SBF2: variants seen among roughly 807,000 people sequenced by gnomAD.
SBF2 encodes myotubularin-related protein 13.
A neutral mutation model predicts 225.2 loss-of-function variants in SBF2; 112 were observed. The observed-to-expected ratio is 0.50, with a 90% CI of 0.43 to 0.58. The LOEUF (loss-of-function observed/expected upper bound fraction) is 0.58. SBF2 is among the 20% of genes least tolerant of loss of function. The probability of loss-of-function intolerance (pLI) is 0.00; values close to 1 mark genes in which losing one functional copy is unlikely to be tolerated. For missense variants in SBF2, 1,996 were observed against 2,206.2 expected, an observed-to-expected ratio of 0.90 and a Z score of 1.91; for synonymous variants, 763 against 773.3, an observed-to-expected ratio of 0.99 and a Z score of 0.22.
intron 1 of SBF2, among the ~76,000 whole-genome samples, chr11:10,204,188 T>A (rs1957665648): frequency 7.1e-6 from 1 of 141,086 alleles, no homozygotes. Context: ...CTTCTCATTA[T>A]AAACAGTACA....
At chr11:10,039,450 G>A (rs1327836865) in intron 3 of SBF2, among the ~76,000 whole-genome samples, 2 of 151,544 alleles carry the variant, frequency 1.3e-5, no homozygotes, top group African/African-American at 4.8e-5. Context: ...TACAATTCTG[G>A]CTAGTACCTA....
intron 3 of SBF2, among the ~76,000 whole-genome samples, chr11:10,035,992 G>GA (rs1949420903): frequency 6.6e-6 from 1 of 152,112 alleles, no homozygotes; most frequent in Non-Finnish European, 1.5e-5. Flanking sequence ...TTCACAATAG[G>GA]AAAGACTTAG....
chr11:10,129,607 C>A (rs758283413), intron 2 of SBF2, among the ~76,000 whole-genome samples: 1 of 152,170 alleles, frequency 6.6e-6, no homozygotes, highest in African/African-American at 2.4e-5. Flanking sequence ...AGGGTTTGTA[C>A]ACAGACATGA....
chr11:9,793,544 C>A (rs1852895166), intron 33 of SBF2, among the ~76,000 whole-genome samples: 1 of 152,282 alleles, frequency 6.6e-6, no homozygotes, highest in South Asian at 2.1e-4. Context: ...CACATGCCAC[C>A]ACGCCTGGCT....
chr11:10,233,656 T>G (rs1166097522), intron 1 of SBF2, among the ~76,000 whole-genome samples: 1 of 151,380 alleles, frequency 6.6e-6, no homozygotes, highest in Non-Finnish European at 1.5e-5. Context: ...GCCAAAGATA[T>G]GAGCCACTCA....
In SBF2 at chr11:10,185,111, G is replaced by C. The variant is rs532317371; in HGVS notation, c.141+8791C>G. Among the ~76,000 whole-genome samples, 108 of 147,432 alleles carry C rather than the reference G, an allele frequency of 7.3e-4. No homozygotes were observed. The South Asian group carries it at 0.01, about 14-fold the overall frequency. Reference sequence around the variant, plus strand: ...CTTTTTAAGGCTGAATAATATTCTGGGGGGGGGTGTGTGTGTGCGTGCACA... The same window carrying C: ...CTTTTTAAGGCTGAATAATATTCTGCGGGGGGGTGTGTGTGTGCGTGCACA... On this transcript the variant is annotated intron_variant, in intron 2 of 39. Transcript: ENST00000256190.
rs188212588 is a variant in SBF2 at position 10,155,410 on chromosome 11, T to C, written c.141+38492A>G. On this transcript the variant is annotated intron_variant, in intron 2 of 39. Coordinates refer to ENST00000256190, the MANE Select transcript of SBF2 (RefSeq NM_030962.4). ...AGAGGGTGGAACAAACTCATAAGTA[T>C]GAGGCCTCCCTGGTTCAAAGAAAGT... Among the ~76,000 whole-genome samples the C allele has an allele frequency of 1.3e-3, 203 of 152,250 alleles. 3 individuals are homozygous for C. Among genetic ancestry groups the C allele is most frequent in the Admixed American group, 0.01 (154 of 15,286 alleles).
Position 10,165,828 on chromosome 11 carries a change from A to T in SBF2, c.141+28074T>A, listed in dbSNP as rs1442737. 2.6e-4 allele frequency among the ~76,000 whole-genome samples: 39 copies of T among 152,242 alleles called. No homozygotes were observed. The South Asian group carries it at 3.9e-3, about 15-fold the overall frequency. On this transcript the variant is annotated intron_variant, in intron 2 of 39. Transcript: ENST00000256190. ...TTCAACTCTTGAAAAAGGAATTTGA[A>T]TATGTATGTATTTTAATACAAATTT...
intron 8 of SBF2, among the ~76,000 whole-genome samples, chr11:9,999,040 C>T (rs905271721): frequency 6.6e-6 from 1 of 151,934 alleles, no homozygotes; most frequent in East Asian, 1.9e-4. Context: ...TGCTGTTTAG[C>T]CACTTAGAAA....
intron 2 of SBF2, among the ~76,000 whole-genome samples, chr11:10,104,545 G>A (rs1008110266): frequency 1.6e-5 from 2 of 123,700 alleles, no homozygotes; most frequent in Middle Eastern, 3.8e-3. Flanking sequence ...TGCCTATCAC[G>A]GGGCTGGGTG....
chr11:10,102,524 C>T (rs190082602), intron 2 of SBF2, among the ~76,000 whole-genome samples: 10 of 152,220 alleles, frequency 6.6e-5, no homozygotes, highest in African/African-American at 1.4e-4. Context: ...ATATGGTTTT[C>T]GTGAAAGACA....
At chr11:9,931,140 C>T (rs1428327184) in intron 16 of SBF2, among the ~76,000 whole-genome samples, 1 of 152,276 alleles carries the variant, frequency 6.6e-6, no homozygotes, top group Non-Finnish European at 1.5e-5. Context: ...CTCAGCAAGG[C>T]CTACTGCCTC....
intron 2 of SBF2, among the ~76,000 whole-genome samples, chr11:10,176,302 C>A (rs1200445552): frequency 4.6e-5 from 7 of 150,888 alleles, no homozygotes; most frequent in African/African-American, 1.7e-4. Context: ...AGAGCAAACA[C>A]ATTCAAAAGC....
intron 2 of SBF2, among the ~76,000 whole-genome samples, chr11:10,164,452 AACAC>A (rs1955870352): frequency 6.6e-6 from 1 of 152,328 alleles, no homozygotes; most frequent in East Asian, 1.9e-4. Context: ...ATTCAAAAGA[AACAC>A]ACAGCCTTTA....
chr11:9,788,498 G>T (rs1852516034), intron 35 of SBF2, among the ~76,000 whole-genome samples: 1 of 152,154 alleles, frequency 6.6e-6, no homozygotes. Context: ...CCTGACTAAG[G>T]CTGCTCGGGC....
At chr11:9,906,522 T>C (rs931242151) in intron 16 of SBF2, among the ~76,000 whole-genome samples, 5 of 152,230 alleles carry the variant, frequency 3.3e-5, no homozygotes, top group Non-Finnish European at 7.3e-5. Context: ...CTCAAACCTG[T>C]GTGCTGCTCA....
At chr11:10,092,868 C>T (rs538245249) in intron 2 of SBF2, among the ~76,000 whole-genome samples, 1 of 152,038 alleles carries the variant, frequency 6.6e-6, no homozygotes, top group East Asian at 1.9e-4. Context: ...AAGATTATAC[C>T]CTAGAACGAG....
Position 10,294,063 on chromosome 11 carries a change from G to T in SBF2, c.7C>A (p.Arg3=). 2 of 1,385,470 alleles carry T rather than the reference G, an allele frequency of 1.4e-6. No individual in the cohort carries two copies. Among genetic ancestry groups the T allele is most frequent in the Non-Finnish European group, 9.4e-7 (1 of 1,065,490 alleles). 85.8% of individuals were successfully genotyped at this position (1,385,470 alleles called of 1,614,324 possible). A position where few individuals can be genotyped will look rare whatever the true frequency, so the allele number is the denominator to read the frequency against. ...ACCACGATGAAGTAGTCAGCCAGCC[G>T]GGCCATGGCCGCCGCCGCCGCGCTC... The part of the protein sequence containing the change: MA[R]LADYFIVVGY... The change falls in exon 1 of 40, where the codon CGG becomes AGG. Residue 3 remains arginine, a synonymous_variant. Coordinates refer to ENST00000256190, the MANE Select transcript of SBF2 (RefSeq NM_030962.4).
chr11:9,941,638 A>G (rs563045320), intron 16 of SBF2, among the ~76,000 whole-genome samples: 1 of 152,342 alleles, frequency 6.6e-6, no homozygotes, highest in South Asian at 2.1e-4. Flanking sequence ...AAACTCTTAA[A>G]CCAGGAATGG....
Sources: allele counts gnomAD v4.1 joint callset (sites outside exome capture counted in the v4.1 genomes callset), GRCh38; gene constraint gnomAD v4.1.1; transcripts MANE v1.5; gene names NCBI Gene and HGNC (gene_info 2026-07-23, HGNC 2026-07-21).